CDK13: variants seen among roughly 807,000 people sequenced by gnomAD.
CDK13 encodes the protein cyclin dependent kinase 13.
CDK13 carries 40 observed loss-of-function variants against 137.6 expected under a neutral mutation model. The ratio of observed to expected loss-of-function variants is 0.29; its 90% CI spans 0.23 to 0.38. CDK13 has a LOEUF of 0.38. CDK13 is among the 10% of genes least tolerant of loss of function. The pLI, the probability that CDK13 is intolerant of heterozygous loss-of-function variation, is 1.00. For missense variants in CDK13, 1,704 were observed against 1,951.8 expected (o/e 0.87, Z 2.39); for synonymous variants, 869 against 760.1 (o/e 1.14, Z -2.36).
In CDK13 at chr7:40,031,297, G is replaced by A. The variant is rs180920623; in HGVS notation, c.2354-14539G>A. On this transcript the variant is annotated intron_variant, in intron 5 of 13. Transcript: ENST00000181839. ...AGCACTTTGGGAGGCCAAGGTGGGC[G>A]GATCACTTGAGGTCAGGAGTTCAAG... 1.1e-4 allele frequency among the ~76,000 whole-genome samples: 17 copies of A among 152,186 alleles called. No homozygotes were observed. The East Asian group carries it at 1.7e-3, about 16-fold the overall frequency.
At chr7:40,013,793 G>GA (rs1313731607) in intron 5 of CDK13, among the ~76,000 whole-genome samples, 2 of 151,848 alleles carry the variant, frequency 1.3e-5, no homozygotes, top group East Asian at 3.9e-4. Context: ...GTTATTTAAG[G>GA]AAAAAAACGA....
rs1787080856 is a variant in CDK13 at position 40,098,033 on chromosome 7, C to T, written c.*3053C>T. 6.6e-6 allele frequency: 1 copy of T among 152,052 alleles called. No individual in the cohort carries two copies. Among genetic ancestry groups the T allele is most frequent in the Non-Finnish European group, 1.5e-5 (1 of 67,958 alleles). 9.4% of individuals were successfully genotyped at this position (152,052 alleles called of 1,614,324 possible). On this transcript the variant is annotated 3_prime_UTR_variant, in exon 14 of 14. Coordinates refer to ENST00000181839, the MANE Select transcript of CDK13 (RefSeq NM_003718.5). Reference sequence around the variant, plus strand: ...TGTCTGGAGAAGTTAGTGGTATTTGCTACCCTCAGCTGTATCTAAATTGCA... The same window carrying T: ...TGTCTGGAGAAGTTAGTGGTATTTGTTACCCTCAGCTGTATCTAAATTGCA...
chr7:40,067,741 G>T (rs555829263), intron 9 of CDK13: 3 of 152,300 alleles, frequency 2.0e-5, no homozygotes, highest in South Asian at 4.2e-4. Flanking sequence ...TTGAGGCCAG[G>T]AGTCTGAAAC....
At chr7:40,081,494 A>G (rs1223411160) in intron 11 of CDK13, among the ~76,000 whole-genome samples, 1 of 152,154 alleles carries the variant, frequency 6.6e-6, no homozygotes, top group East Asian at 1.9e-4. Context: ...TCTTGAACTT[A>G]TGTTACTCCC....
intron 5 of CDK13, among the ~76,000 whole-genome samples, chr7:40,030,406 A>AC (rs1170964296): frequency 6.7e-6 from 1 of 148,216 alleles, no homozygotes; most frequent in Non-Finnish European, 1.5e-5. Flanking sequence ...CACCCCTGCA[A>AC]CTCTGGCAAC....
intron 5 of CDK13, among the ~76,000 whole-genome samples, chr7:40,022,942 T>G (rs1785158763): frequency 6.6e-6 from 1 of 152,026 alleles, no homozygotes; most frequent in African/African-American, 2.4e-5. Context: ...TCTGATTCTT[T>G]TACTTGTTTT....
chr7:39,952,622 G>A (rs552314037), intron 1 of CDK13: 1 of 152,300 alleles, frequency 6.6e-6, no homozygotes, highest in South Asian at 2.1e-4. Context: ...GTGTAACCAA[G>A]TGAATGGCTG....
intron 5 of CDK13, among the ~76,000 whole-genome samples, chr7:40,019,191 G>A (rs903956600): frequency 9.9e-5 from 15 of 152,150 alleles, no homozygotes; most frequent in African/African-American, 2.9e-4. Context: ...TATATTTACT[G>A]TCTTAATAGT....
chr7:39,999,496 C>T lies in CDK13; in HGVS notation c.2178C>T (p.Asp726=). The change falls in exon 4 of 14, where the codon GAC becomes GAT. Residue 726 remains aspartate, a synonymous_variant. Coordinates refer to ENST00000181839, the MANE Select transcript of CDK13 (RefSeq NM_003718.5). ...AAGTTTACAAAGCCAGGGATAAAGACACTGGTAAGAATGCCAAGTTCTGGG... is the reference window on the plus strand; with the variant it reads ...AAGTTTACAAAGCCAGGGATAAAGATACTGGTAAGAATGCCAAGTTCTGGG... ...YGQVYKARDK[D]TGEMVALKKV... 1.2e-6 allele frequency: 2 copies of T among 1,600,780 alleles called. No individual in the cohort carries two copies. The highest frequency in any genetic ancestry group is 1.7e-6 in the Non-Finnish European group (2 of 1,172,778).
At chr7:40,030,215 A>G (rs1182842786) in intron 5 of CDK13, among the ~76,000 whole-genome samples, 1 of 144,382 alleles carries the variant, frequency 6.9e-6, no homozygotes, top group East Asian at 2.1e-4. Flanking sequence ...ATTAGAAGAG[A>G]AAATTATATA....
chr7:40,069,475 T>G, intron 9 of CDK13: 2 of 302,430 alleles, frequency 6.6e-6, no homozygotes, highest in Non-Finnish European at 1.4e-5. Flanking sequence ...TAAGTTTTTT[T>G]CTTCAAAAGT....
chr7:40,088,366 A>G (rs1033989986), intron 12 of CDK13, 35 bp downstream of exon 12: 14 of 1,523,746 alleles, frequency 9.2e-6, no homozygotes, highest in South Asian at 1.1e-5. Flanking sequence ...TTTTCTTCAC[A>G]TTGTTTTGCA....
intron 9 of CDK13, chr7:40,066,630 A>G (rs562024570): frequency 6.6e-6 from 1 of 152,264 alleles, no homozygotes; most frequent in Non-Finnish European, 1.5e-5. Flanking sequence ...TGTGTAAGTT[A>G]GAAAAGTTAT....
intron 7 of CDK13, among the ~76,000 whole-genome samples, chr7:40,051,294 T>G (rs1337675442): frequency 2.6e-5 from 4 of 152,124 alleles, no homozygotes; most frequent in Non-Finnish European, 4.4e-5. Context: ...AATTCTGATT[T>G]CTTCAGAATC....
chr7:40,063,630 C>T (rs921588185), intron 9 of CDK13, among the ~76,000 whole-genome samples: 9 of 151,894 alleles, frequency 5.9e-5, no homozygotes, highest in South Asian at 2.1e-4. Flanking sequence ...ACATTTTAGT[C>T]GCTTTTCTCT....
intron 1 of CDK13, among the ~76,000 whole-genome samples, chr7:39,954,673 C>T (rs1211788311): frequency 1.3e-5 from 2 of 152,178 alleles, no homozygotes; most frequent in African/African-American, 4.8e-5. Flanking sequence ...TAATATTTCC[C>T]CAGCCTATGC....
Position 39,951,559 on chromosome 7 carries a change from G to T in CDK13, c.918G>T (p.Glu306Asp). Residue 306 changes from glutamate (E) to aspartate (D), a missense_variant, in exon 1 of 14, where the codon GAG (glutamate) becomes GAT (aspartate). Around this residue, in one of 5 missense-constraint regions of CDK13, gnomAD observed 1,051 missense variants for 931.0 expected, o/e 1.13. Coordinates refer to ENST00000181839, the MANE Select transcript of CDK13 (RefSeq NM_003718.5). ...PPKAYREDKT[E>D]PKAYRRRRSL... ...AGGCCTACCGGGAGGACAAGACCGAGCCTAAGGCCTACAGGCGGCGGCGGT... is the reference window on the plus strand; with the variant it reads ...AGGCCTACCGGGAGGACAAGACCGATCCTAAGGCCTACAGGCGGCGGCGGT... The T allele has an allele frequency of 6.5e-7, 1 of 1,532,862 alleles. No homozygotes were observed. The highest frequency in any genetic ancestry group is 8.8e-7 in the Non-Finnish European group (1 of 1,142,284). 95.0% of individuals were successfully genotyped at this position (1,532,862 alleles called of 1,614,324 possible).
chr7:40,098,870 A>G lies in CDK13; in HGVS notation c.*3890A>G, dbSNP rs1787093287. 2 of 152,132 alleles carry G rather than the reference A, an allele frequency of 1.3e-5. No individual in the cohort carries two copies. Among genetic ancestry groups the G allele is most frequent in the Admixed American group, 6.6e-5 (1 of 15,258 alleles). 9.4% of individuals were successfully genotyped at this position (152,132 alleles called of 1,614,324 possible). On this transcript the variant is annotated 3_prime_UTR_variant, in exon 14 of 14. Transcript: ENST00000181839. Reference sequence around the variant, plus strand: ...AACAATTTTTATTTAGAAAAAATAGAAAAATAAAAACATCTTCAAAATTTA... The same window carrying G: ...AACAATTTTTATTTAGAAAAAATAGGAAAATAAAAACATCTTCAAAATTTA...
chr7:40,032,752 G>GT (rs956578087), intron 5 of CDK13, among the ~76,000 whole-genome samples: 2,414 of 147,294 alleles, frequency 0.016, 45 homozygotes, highest in African/African-American at 0.056. Context: ...GTCTAGTTAT[G>GT]TTTTTTTTTT....
Sources: gnomAD v4.1 joint callset for allele counts (sites outside exome capture counted in the v4.1 genomes callset) on GRCh38, gnomAD v4.1.1 for gene constraint, gnomAD v4.1.1 regional missense constraint, MANE v1.5 for transcripts, NCBI Gene and HGNC (gene_info 2026-07-23, HGNC 2026-07-21) for gene names.